Variants in LHX8 observed in about 807,000 individuals in gnomAD.
LHX8 encodes LIM/homeobox protein Lhx8.
LHX8 carries 12 observed loss-of-function variants against 40.3 expected under a neutral mutation model. The ratio of observed to expected loss-of-function variants is 0.30; its 90% CI spans 0.19 to 0.48. LHX8 has a LOEUF of 0.48. Ranked by LOEUF, LHX8 falls within the 20% of genes least tolerant of loss-of-function variation. The probability of loss-of-function intolerance (pLI) is 0.99; values close to 1 mark genes in which losing one functional copy is unlikely to be tolerated. For missense variants in LHX8, 344 were observed against 433.7 expected (o/e 0.79, Z 1.84); for synonymous variants, 179 against 162.0 (o/e 1.10, Z -0.80).
At chr1:75,130,430 G>T (rs1647931780), upstream of LHX8, 3 of 552,642 alleles carry the variant, frequency 5.4e-6, no homozygotes, top group Non-Finnish European at 9.7e-6. Context: ...CGCGGGGCGG[G>T]TGGCGAAGGC....
At chr1:75,186,040 C>T in the LHX8 span, among the ~76,000 whole-genome samples, 1 of 151,888 alleles carries the variant, frequency 6.6e-6, no homozygotes, top group African/African-American at 2.4e-5. Context: ...TCAAAGAAAT[C>T]AGAGATGACA....
rs999233160 is a variant in LHX8 at position 75,148,526 on chromosome 1, C to A, written c.685-61C>A. 3 of 1,137,724 alleles carry A rather than the reference C, an allele frequency of 2.6e-6. No homozygotes were observed. The African/African-American group carries it at 4.6e-5, about 18-fold the overall frequency. 70.5% of individuals were successfully genotyped at this position (1,137,724 alleles called of 1,614,324 possible). A position where few individuals can be genotyped will look rare whatever the true frequency, so the allele number is the denominator to read the frequency against. ...TGTCTTACCTCTTATGATAAAAATGCAGGAAGAAGACTGAGCTGCTTGTTT... is the reference window on the plus strand; with the variant it reads ...TGTCTTACCTCTTATGATAAAAATGAAGGAAGAAGACTGAGCTGCTTGTTT... On this transcript the variant is annotated intron_variant, in intron 6 of 8. Coordinates refer to ENST00000356261, the MANE Select transcript of LHX8 (RefSeq NM_001256114.2).
chr1:75,179,086 T>G, the LHX8 span, among the ~76,000 whole-genome samples: 1 of 152,182 alleles, frequency 6.6e-6, no homozygotes, highest in Non-Finnish European at 1.5e-5. Flanking sequence ...AGTGCTTTAC[T>G]TCCAACTATG....
At chr1:75,130,485 G>C (rs552855186), upstream of LHX8, 129 of 600,152 alleles carry the variant, frequency 2.1e-4, no homozygotes, top group South Asian at 2.6e-3. Context: ...GCGTGGAGCA[G>C]GCTTGCCCAG....
At chr1:75,184,213 A>G in the LHX8 span, among the ~76,000 whole-genome samples, 1 of 152,230 alleles carries the variant, frequency 6.6e-6, no homozygotes, top group African/African-American at 2.4e-5. Flanking sequence ...CATTAGGCAG[A>G]GACAGAAAAT....
At chr1:75,190,969 T>C in the LHX8 span, among the ~76,000 whole-genome samples, 2 of 152,162 alleles carry the variant, frequency 1.3e-5, no homozygotes, top group Non-Finnish European at 2.9e-5. Context: ...TTAAAATTCA[T>C]AGAATATACA....
chr1:75,165,353 A>T (rs964059092), downstream of LHX8, among the ~76,000 whole-genome samples: 1 of 152,188 alleles, frequency 6.6e-6, no homozygotes, highest in African/African-American at 2.4e-5. Flanking sequence ...TTATAAATGT[A>T]TAGAGATCTT....
chr1:75,143,685 G>A (rs1479443216), intron 5 of LHX8, among the ~76,000 whole-genome samples, 160 bp from the exon 6 acceptor site: 1 of 152,048 alleles, frequency 6.6e-6, no homozygotes, highest in Non-Finnish European at 1.5e-5. Flanking sequence ...AATATTTTTT[G>A]TACAGTATAT....
chr1:75,178,831 C>G, the LHX8 span, among the ~76,000 whole-genome samples: 48 of 152,194 alleles, frequency 3.2e-4, no homozygotes, highest in Non-Finnish European at 2.1e-4. Flanking sequence ...TTTCCCTGTA[C>G]ACACTGCTTT....
At chr1:75,157,974 C>G (rs1260265197) in intron 8 of LHX8, among the ~76,000 whole-genome samples, 1 of 152,168 alleles carries the variant, frequency 6.6e-6, no homozygotes, top group African/African-American at 2.4e-5. Flanking sequence ...CAACTTCAGT[C>G]ATTCTGACAG....
the LHX8 span, among the ~76,000 whole-genome samples, chr1:75,184,894 A>G: frequency 2.0e-5 from 3 of 151,922 alleles, no homozygotes; most frequent in Non-Finnish European, 4.4e-5. Context: ...AGATGCAAAT[A>G]AAAACAATTA....
At chr1:75,194,403 G>T in the LHX8 span, among the ~76,000 whole-genome samples, 7 of 152,284 alleles carry the variant, frequency 4.6e-5, no homozygotes, top group African/African-American at 1.7e-4. Flanking sequence ...GGAGCCATGA[G>T]CCTTGTCTGC....
intron 8 of LHX8, among the ~76,000 whole-genome samples, chr1:75,157,925 C>G (rs753397044): frequency 3.9e-5 from 6 of 152,044 alleles, no homozygotes; most frequent in Non-Finnish European, 7.4e-5. Context: ...AGATATGTAC[C>G]TGGGAGTGGG....
intron 7 of LHX8, among the ~76,000 whole-genome samples, chr1:75,152,661 T>C (rs1226885901): frequency 6.6e-6 from 1 of 152,170 alleles, no homozygotes; most frequent in East Asian, 1.9e-4. Context: ...GATTGTTGAG[T>C]CCAAAGATAA....
intron 7 of LHX8, among the ~76,000 whole-genome samples, chr1:75,153,394 A>G (rs12741928): frequency 0.25 from 37,258 of 150,930 alleles, 4,924 homozygotes; most frequent in Middle Eastern, 0.35. Flanking sequence ...GTGAGCCATC[A>G]CGCCTGGCCT....
rs189628763 is a variant in LHX8, at chr1:75,144,739, T to C, written c.684+791T>C. On this transcript the variant is annotated intron_variant, in intron 6 of 8. Transcript: ENST00000356261. The stretch of plus-strand genomic sequence containing the variant: ...TAATGTGGCTGAGGTATTTGTTTCA[T>C]GTTAAGGAAAAGTAACATTTGTTGA... Among the ~76,000 whole-genome samples the C allele has an allele frequency of 3.7e-4, 56 of 152,288 alleles. No homozygotes were observed. In the East Asian group the frequency reaches 0.011, roughly 29 times the overall value.
rs1254384903 is a variant in LHX8, at chr1:75,156,957, C to T, written c.845C>T (p.Thr282Ile). Reference sequence around the variant, plus strand: ...GTCAGTCCTAATCACTCATCCTCCACCCCAGTCACAGCAGTCCCACCCTCC... The same window carrying T: ...GTCAGTCCTAATCACTCATCCTCCATCCCAGTCACAGCAGTCCCACCCTCC... ...KHVSPNHSSSTPVTAVPPSRL... is the reference protein window; with the variant it reads ...KHVSPNHSSSIPVTAVPPSRL... Residue 282 changes from threonine to isoleucine, a missense_variant, in exon 8 of 9, where the codon ACC (threonine) becomes ATC (isoleucine). Thr to Ile is a moderately conservative substitution (Grantham distance 89). Coordinates refer to ENST00000356261, the MANE Select transcript of LHX8 (RefSeq NM_001256114.2). 7 of 1,613,932 alleles carry T rather than the reference C, an allele frequency of 4.3e-6. No homozygotes were observed. The highest frequency in any genetic ancestry group is 5.9e-6 in the Non-Finnish European group (7 of 1,179,938).
chr1:75,143,074 C>T, intron 4 of LHX8, 44 bp from the exon 5 acceptor site: 1 of 1,447,050 alleles, frequency 6.9e-7, no homozygotes, highest in South Asian at 1.1e-5. Context: ...GAATATCTCA[C>T]CAGGCATTAA....
the LHX8 span, among the ~76,000 whole-genome samples, chr1:75,188,160 TTTG>T: frequency 1.3e-5 from 2 of 152,106 alleles, no homozygotes; most frequent in Admixed American, 1.3e-4. Context: ...AAATTACTGT[TTTG>T]TTGTTGTTGT....
Sources: allele counts gnomAD v4.1 joint callset (sites outside exome capture counted in the v4.1 genomes callset), GRCh38; gene constraint gnomAD v4.1.1; transcripts MANE v1.5; gene names NCBI Gene and HGNC (gene_info 2026-07-23, HGNC 2026-07-21).